Variants in HCN1 observed in about 807,000 individuals in gnomAD.
HCN1 encodes hyperpolarization activated cyclic nucleotide gated potassium channel 1.
Under a neutral mutation model 78.9 loss-of-function variants are expected in HCN1, and 13 were observed. The ratio of observed to expected loss-of-function variants is 0.16; its 90% CI spans 0.11 to 0.26. The LOEUF (loss-of-function observed/expected upper bound fraction) is 0.26, where lower values mean the gene tolerates loss of function less well. Among genes scored for constraint, HCN1 ranks in the 10% least tolerant of loss-of-function variants. HCN1 has a pLI of 1.00. For synonymous variants in HCN1, 552 were observed against 455.5 expected, an observed-to-expected ratio of 1.21 and a Z score of -2.70; for missense variants, 810 against 1,154.3, an observed-to-expected ratio of 0.70 and a Z score of 4.32.
At chr5:45,313,280 C>T (rs1370820190) in intron 5 of HCN1, among the ~76,000 whole-genome samples, 1 of 152,136 alleles carries the variant, frequency 6.6e-6, no homozygotes, top group Non-Finnish European at 1.5e-5. Flanking sequence ...CTCCAGCAAA[C>T]TCCAACAGAC....
intron 2 of HCN1, among the ~76,000 whole-genome samples, chr5:45,474,238 T>C (rs1741468488): frequency 6.6e-6 from 1 of 151,862 alleles, no homozygotes; most frequent in Non-Finnish European, 1.5e-5. Context: ...TCCAAAATTA[T>C]ATTAATCTCT....
chr5:45,612,620 C>T (rs1744860325), intron 2 of HCN1, among the ~76,000 whole-genome samples: 2 of 152,074 alleles, frequency 1.3e-5, no homozygotes, highest in Admixed American at 6.6e-5. Context: ...TATTTTGTTT[C>T]CTTATACTTC....
At chr5:45,649,101 A>G (rs1463925640) in intron 1 of HCN1, among the ~76,000 whole-genome samples, 1 of 151,854 alleles carries the variant, frequency 6.6e-6, no homozygotes, top group Admixed American at 6.6e-5. Context: ...GGGTACACAT[A>G]CAGGAGATAT....
chr5:45,266,318 T>C (rs1744855442), intron 7 of HCN1, among the ~76,000 whole-genome samples: 1 of 152,140 alleles, frequency 6.6e-6, no homozygotes, highest in Admixed American at 6.5e-5. Context: ...CTTGAGTCTA[T>C]ATTACAAACA....
intron 3 of HCN1, among the ~76,000 whole-genome samples, chr5:45,441,159 T>G (rs748326870): frequency 6.6e-6 from 1 of 152,218 alleles, no homozygotes; most frequent in African/African-American, 2.4e-5. Flanking sequence ...TCTGTTTCCT[T>G]GCTTTAAATT....
chr5:45,395,030 C>T (rs960227782), intron 4 of HCN1, among the ~76,000 whole-genome samples: 5 of 151,984 alleles, frequency 3.3e-5, no homozygotes, highest in Admixed American at 2.6e-4. Flanking sequence ...TTAAACTTGG[C>T]TAATACAGGA....
chr5:45,685,246 T>C (rs1739781042), intron 1 of HCN1, among the ~76,000 whole-genome samples: 2 of 152,208 alleles, frequency 1.3e-5, no homozygotes, highest in African/African-American at 2.4e-5. Flanking sequence ...ACATCCCAAA[T>C]GGTTTAACTA....
chr5:45,353,322 A>G (rs1746949472), intron 4 of HCN1, 76 bp from the exon 5 acceptor site: 2 of 1,079,190 alleles, frequency 1.9e-6, no homozygotes, highest in East Asian at 2.4e-5. Flanking sequence ...TTGTTTTGCT[A>G]TATTCAATAA....
intron 2 of HCN1, among the ~76,000 whole-genome samples, chr5:45,593,777 C>A (rs923426216): frequency 6.6e-6 from 1 of 152,042 alleles, no homozygotes; most frequent in East Asian, 1.9e-4. Context: ...CCGGTTCAAG[C>A]AATTCTCCTG....
chr5:45,555,517 A>AT (rs1743451273), intron 2 of HCN1, among the ~76,000 whole-genome samples: 1 of 151,956 alleles, frequency 6.6e-6, no homozygotes, highest in Non-Finnish European at 1.5e-5. Flanking sequence ...TACCAATGAC[A>AT]TTCTTCAAAG....
At chr5:45,651,101 T>C (rs551300847) in intron 1 of HCN1, among the ~76,000 whole-genome samples, 41 of 152,186 alleles carry the variant, frequency 2.7e-4, no homozygotes, top group African/African-American at 9.4e-4. Flanking sequence ...TAAAAATATT[T>C]ATGGTTAATT....
chr5:45,597,327 A>G (rs987484016), intron 2 of HCN1, among the ~76,000 whole-genome samples: 2 of 152,218 alleles, frequency 1.3e-5, no homozygotes, highest in African/African-American at 4.8e-5. Flanking sequence ...ACACATGATT[A>G]TCTCAATAGA....
chr5:45,518,038 C>CA (rs1274567081), intron 2 of HCN1, among the ~76,000 whole-genome samples: 1 of 151,934 alleles, frequency 6.6e-6, no homozygotes, highest in African/African-American at 2.4e-5. Flanking sequence ...TTGAAGCAAT[C>CA]AATTGTGGTT....
At chr5:45,506,132 T>G (rs1306491729) in intron 2 of HCN1, among the ~76,000 whole-genome samples, 1 of 152,202 alleles carries the variant, frequency 6.6e-6, no homozygotes, top group Non-Finnish European at 1.5e-5. Context: ...AAAAGAACTT[T>G]AGTTACAGAT....
rs1274378551 is a variant in HCN1, at chr5:45,257,421, T to C, written c.*4500A>G. 1 of 152,210 alleles carries C rather than the reference T, an allele frequency of 6.6e-6. No homozygotes were observed. Among genetic ancestry groups the C allele is most frequent in the Non-Finnish European group, 1.5e-5 (1 of 68,046 alleles). 9.4% of individuals were successfully genotyped at this position (152,210 alleles called of 1,614,324 possible). A position where few individuals can be genotyped will look rare whatever the true frequency, so the allele number is the denominator to read the frequency against. ...TGATAATTATTTCCCCAGCATTTAA[T>C]GTATTACTCATTCTCTCCACATCAA... On this transcript the variant is annotated 3_prime_UTR_variant, in exon 8 of 8. Coordinates refer to ENST00000303230, the MANE Select transcript of HCN1 (RefSeq NM_021072.4).
chr5:45,311,902 T>A (rs1179222623), intron 5 of HCN1, among the ~76,000 whole-genome samples: 1 of 152,182 alleles, frequency 6.6e-6, no homozygotes, highest in Non-Finnish European at 1.5e-5. Flanking sequence ...GGCTAAACAC[T>A]GGGAAGCCAA....
At chr5:45,282,273 G>T (rs1306914927) in intron 6 of HCN1, among the ~76,000 whole-genome samples, 1 of 152,060 alleles carries the variant, frequency 6.6e-6, no homozygotes, top group Non-Finnish European at 1.5e-5. Flanking sequence ...TTTAAAAATT[G>T]TTTTCCCAAT....
intron 2 of HCN1, among the ~76,000 whole-genome samples, chr5:45,595,971 A>T (rs1259298132): frequency 6.8e-6 from 1 of 147,654 alleles, no homozygotes; most frequent in African/African-American, 2.5e-5. Flanking sequence ...CTCACTGAAA[A>T]CTCCTCCTCC....
chr5:45,555,780 G>A (rs1430752181), intron 2 of HCN1, among the ~76,000 whole-genome samples: 2 of 150,040 alleles, frequency 1.3e-5, no homozygotes, highest in Non-Finnish European at 3.0e-5. Context: ...CAAAACTGGA[G>A]GAGTCATATT....
Sources: allele counts gnomAD v4.1 joint callset (sites outside exome capture counted in the v4.1 genomes callset), GRCh38; gene constraint gnomAD v4.1.1; transcripts MANE v1.5; gene names NCBI Gene and HGNC (gene_info 2026-07-23, HGNC 2026-07-21).